The following CGNL1 variants were observed in gnomAD, a reference collection of about 807,000 sequenced individuals.
CGNL1 encodes cingulin-like protein 1.
Under a neutral mutation model 141.2 loss-of-function variants are expected in CGNL1, and 132 were observed. The observed-to-expected ratio is 0.93, with a 90% CI of 0.81 to 1.08. The LOEUF (loss-of-function observed/expected upper bound fraction) is 1.08. Ranked by LOEUF, CGNL1 falls within the 50% of genes least tolerant of loss-of-function variation. CGNL1 has a pLI of 0.00. For synonymous variants in CGNL1, 690 were observed against 622.1 expected (o/e 1.11, Z -1.63); for missense variants, 1,870 against 1,588.6 (o/e 1.18, Z -3.01).
intron 18 of CGNL1, 86 bp downstream of exon 18, chr15:57,546,325 T>G: frequency 7.0e-7 from 1 of 1,418,486 alleles, no homozygotes; most frequent in South Asian, 1.5e-5. Context: ...ACACTCCTGT[T>G]GTCTCAAGCC....
intron 8 of CGNL1, among the ~76,000 whole-genome samples, chr15:57,490,141 A>G (rs1379840670): frequency 6.6e-6 from 1 of 152,196 alleles, no homozygotes; most frequent in Non-Finnish European, 1.5e-5. Context: ...AAAATAAGCA[A>G]TAAAAATCAG....
At chr15:57,391,127 A>G (rs1017122688) in intron 1 of CGNL1, among the ~76,000 whole-genome samples, 6 of 152,198 alleles carry the variant, frequency 3.9e-5, no homozygotes, top group African/African-American at 1.4e-4. Context: ...CAAAAATGGC[A>G]GATGAGAGCC....
chr15:57,452,218 G>A lies in CGNL1; in HGVS notation c.1983G>A (p.Lys661=). 2 of 1,613,964 alleles carry A rather than the reference G, an allele frequency of 1.2e-6. No individual in the cohort carries two copies. Among genetic ancestry groups the A allele is most frequent in the East Asian group, 4.5e-5 (2 of 44,852 alleles). ...LEELRSQHNE[K]VEENSTLQQR... ...AGCTCCGAAGCCAACACAACGAAAA[G>A]GTGGAGGAGAACTCCACATTGCAGC... The change falls in exon 6 of 19, where the codon AAG becomes AAA. Residue 661 remains lysine (K), a synonymous_variant. Coordinates refer to ENST00000281282, the MANE Select transcript of CGNL1 (RefSeq NM_032866.5).
intron 14 of CGNL1, among the ~76,000 whole-genome samples, chr15:57,536,317 C>T (rs954752704): frequency 2.0e-5 from 3 of 152,200 alleles, no homozygotes; most frequent in African/African-American, 7.2e-5. Flanking sequence ...GGTGAGGACA[C>T]AGCCAAACCA....
At chr15:57,535,063 A>G (rs1341250735) in intron 14 of CGNL1, among the ~76,000 whole-genome samples, 1 of 152,146 alleles carries the variant, frequency 6.6e-6, no homozygotes, top group African/African-American at 2.4e-5. Flanking sequence ...TCTGGCAAGG[A>G]CCTCAGAGTC....
chr15:57,455,152 T>G (rs1443658335), intron 7 of CGNL1, among the ~76,000 whole-genome samples: 1 of 152,232 alleles, frequency 6.6e-6, no homozygotes, highest in Non-Finnish European at 1.5e-5. Flanking sequence ...CACAATATAT[T>G]TAACCATTCT....
Position 57,545,613 on chromosome 15 carries a change from C to T in CGNL1, c.3522C>T (p.Leu1174=). ...SEERDRANLQ[L]SNRRLERKVK... ...CCAGGGATCGGGCCAATCTTCAGCT[C>T]AGCAACCGGCGGCTGGAGCGGAAAG... The change falls in exon 17 of 19, where the codon CTC becomes CTT. Residue 1174 remains leucine, a synonymous_variant. Transcript: ENST00000281282. The T allele has an allele frequency of 6.2e-7, 1 of 1,613,534 alleles. No homozygotes were observed.
chr15:57,400,654 G>A (rs368867415), intron 1 of CGNL1, among the ~76,000 whole-genome samples: 28 of 151,964 alleles, frequency 1.8e-4, no homozygotes, highest in Non-Finnish European at 3.1e-4. Flanking sequence ...AGGCCAAGGC[G>A]GGCGGATCAT....
intron 8 of CGNL1, among the ~76,000 whole-genome samples, chr15:57,478,791 A>G (rs2063688821): frequency 6.6e-6 from 1 of 152,120 alleles, no homozygotes; most frequent in South Asian, 2.1e-4. Flanking sequence ...AGTGAGTGTC[A>G]CTACCTCTGG....
chr15:57,488,696 C>T (rs1039072373), intron 8 of CGNL1, among the ~76,000 whole-genome samples: 1 of 152,182 alleles, frequency 6.6e-6, no homozygotes, highest in African/African-American at 2.4e-5. Context: ...ATGAACCTTT[C>T]GAGTGCACAG....
At chr15:57,487,519 T>G (rs1338932004) in intron 8 of CGNL1, among the ~76,000 whole-genome samples, 1 of 152,242 alleles carries the variant, frequency 6.6e-6, no homozygotes, top group East Asian at 1.9e-4. Context: ...TGGCATTCTC[T>G]GATATTGGTA....
Position 57,438,029 on chromosome 15 carries a change from T to C in CGNL1, c.30T>C (p.His10=), listed in dbSNP as rs372675578. The change falls in exon 2 of 19, where the codon CAT becomes CAC. Residue 10 remains histidine (H), a synonymous_variant. Transcript: ENST00000281282. ...AGCTGTATTTCGGTGAATATCAACA[T>C]GTGCAGCAGGAATATGGGGTCCATC... MELYFGEYQ[H]VQQEYGVHLR... is the part of the protein sequence containing the mutation. 1.6e-5 allele frequency: 26 copies of C among 1,613,414 alleles called. No individual in the cohort carries two copies. The African/African-American group carries it at 3.2e-4, about 20-fold the overall frequency.
chr15:57,453,130 T>A (rs1263947224), intron 6 of CGNL1, among the ~76,000 whole-genome samples: 1 of 152,190 alleles, frequency 6.6e-6, no homozygotes, highest in East Asian at 1.9e-4. Context: ...AGGTGGTGAT[T>A]ATTTTAGGGT....
chr15:57,393,227 C>A (rs184152738), intron 1 of CGNL1, among the ~76,000 whole-genome samples: 42 of 152,162 alleles, frequency 2.8e-4, no homozygotes, highest in Admixed American at 2.7e-3. Flanking sequence ...ACTTTTGTAC[C>A]CTTGGGTTTT....
intron 4 of CGNL1, among the ~76,000 whole-genome samples, chr15:57,450,939 G>T (rs998195456): frequency 3.3e-5 from 5 of 152,102 alleles, no homozygotes; most frequent in Admixed American, 3.3e-4. Flanking sequence ...CCCCATAAAA[G>T]TTCATAATCT....
chr15:57,451,548 A>C lies in CGNL1; in HGVS notation c.1852A>C (p.Lys618Gln). Residue 618 changes from lysine to glutamine, a missense_variant, in exon 5 of 19, where the codon AAG becomes CAG. Lys to Gln is a moderately conservative substitution (Grantham distance 53, BLOSUM62 1). Coordinates refer to ENST00000281282, the MANE Select transcript of CGNL1 (RefSeq NM_032866.5). ...EVKDLLEQKS[K>Q]LTIEVAELQR... ...CAAAGATCTATTGGAACAGAAAAGCAAGTTGACCATAGAAGTGGCTGAACT... is the reference window on the plus strand; with the variant it reads ...CAAAGATCTATTGGAACAGAAAAGCCAGTTGACCATAGAAGTGGCTGAACT... 2 of 1,613,640 alleles carry C rather than the reference A, an allele frequency of 1.2e-6. No homozygotes were observed. The highest frequency in any genetic ancestry group is 1.7e-4 in the Middle Eastern group (1 of 6,056).
chr15:57,516,730 C>A, intron 8 of CGNL1, 50 bp from the exon 9 acceptor site: 1 of 1,569,212 alleles, frequency 6.4e-7, no homozygotes, highest in Non-Finnish European at 8.7e-7. Flanking sequence ...AGCCTGGGGA[C>A]AGCTCCTTGA....
rs767977447 is a variant in CGNL1, at chr15:57,439,513, T to C, written c.1514T>C (p.Met505Thr). The C allele has an allele frequency of 1.9e-6, 3 of 1,614,088 alleles. No individual in the cohort carries two copies. The highest frequency in any genetic ancestry group is 2.2e-5 in the South Asian group (2 of 91,092). Residue 505 changes from methionine to threonine, a missense_variant, in exon 2 of 19, where the codon ATG (methionine) becomes ACG (threonine). Transcript: ENST00000281282. ...GTGAAAACAGCCACCGCTACGCTGA[T>C]GTTACAGAACCGGGCAACAGCAACT... ...EEVKTATATLMLQNRATATSP... is the reference protein window; with the variant it reads ...EEVKTATATLTLQNRATATSP...
intron 14 of CGNL1, among the ~76,000 whole-genome samples, chr15:57,536,965 G>A (rs1362858111): frequency 6.6e-6 from 1 of 152,160 alleles, no homozygotes. Context: ...AATGGGTGAG[G>A]AGTTAAGTTC....
Sources: gnomAD v4.1 joint callset for allele counts (sites outside exome capture counted in the v4.1 genomes callset) on GRCh38, gnomAD v4.1.1 for gene constraint, MANE v1.5 for transcripts, NCBI Gene and HGNC (gene_info 2026-07-23, HGNC 2026-07-21) for gene names.